The following HDAC9 variants were observed in gnomAD, a reference collection of about 807,000 sequenced individuals.
HDAC9 encodes the protein MEF-2 interacting transcription repressor (MITR) protein.
A neutral mutation model predicts 139.4 loss-of-function variants in HDAC9; 41 were observed. The observed-to-expected ratio is 0.29, with a 90% CI of 0.23 to 0.38. The LOEUF (loss-of-function observed/expected upper bound fraction) is 0.38. Ranked by LOEUF, HDAC9 falls within the 10% of genes least tolerant of loss-of-function variation. The pLI is 1.00. For missense variants in HDAC9, 1,147 were observed against 1,297.0 expected, an observed-to-expected ratio of 0.88 and a Z score of 1.78; for synonymous variants, 517 against 476.2, an observed-to-expected ratio of 1.09 and a Z score of -1.12.
chr7:18,616,144 G>C (rs1396636193), intron 6 of HDAC9, among the ~76,000 whole-genome samples: 4 of 151,994 alleles, frequency 2.6e-5, no homozygotes, highest in African/African-American at 9.7e-5. Context: ...AGGACCCCTT[G>C]GATAATCCAA....
At chr7:18,965,857 A>G (rs1487005954) in intron 24 of HDAC9, among the ~76,000 whole-genome samples, 1 of 152,178 alleles carries the variant, frequency 6.6e-6, no homozygotes, top group African/African-American at 2.4e-5. Context: ...GTGAATGGAA[A>G]TGAGGTTGTG....
intron 6 of HDAC9, among the ~76,000 whole-genome samples, chr7:18,629,143 G>A (rs1191227270): frequency 1.3e-5 from 2 of 151,862 alleles, no homozygotes; most frequent in African/African-American, 4.8e-5. Flanking sequence ...GTTGAAAAAA[G>A]TTTCACAGAT....
chr7:18,866,783 G>C (rs1045971088), intron 21 of HDAC9, among the ~76,000 whole-genome samples: 1 of 152,200 alleles, frequency 6.6e-6, no homozygotes, highest in African/African-American at 2.4e-5. Context: ...AACTGAGCAC[G>C]TCAAATGAGT....
At chr7:18,961,640 TAATAA>T (rs570582487) in intron 24 of HDAC9, among the ~76,000 whole-genome samples, 10 of 152,150 alleles carry the variant, frequency 6.6e-5, no homozygotes, top group Non-Finnish European at 1.5e-4. Flanking sequence ...TGATAGCAAA[TAATAA>T]AATAATGTAA....
At chr7:18,603,419 C>A (rs939222867) in intron 6 of HDAC9, among the ~76,000 whole-genome samples, 1 of 151,964 alleles carries the variant, frequency 6.6e-6, no homozygotes, top group African/African-American at 2.4e-5. Context: ...TTATATAATT[C>A]AGTGCTCTCT....
At chr7:18,522,879 ATAACTT>A (rs1304757591) in intron 2 of HDAC9, among the ~76,000 whole-genome samples, 2 of 152,224 alleles carry the variant, frequency 1.3e-5, no homozygotes, top group East Asian at 3.8e-4. Flanking sequence ...AAGAGGCTGA[ATAACTT>A]TAATTAACAA....
intron 1 of HDAC9, among the ~76,000 whole-genome samples, chr7:18,123,454 A>T (rs550821019): frequency 3.9e-5 from 6 of 152,308 alleles, no homozygotes; most frequent in Admixed American, 3.3e-4. Context: ...AGGCCAACCC[A>T]CAAAAGCCTA....
chr7:18,414,432 T>G (rs1368640948), intron 1 of HDAC9, among the ~76,000 whole-genome samples: 1 of 152,012 alleles, frequency 6.6e-6, no homozygotes, highest in African/African-American at 2.4e-5. Context: ...TTAAATTTAG[T>G]ATTCAGTTGA....
In HDAC9 at chr7:18,129,659, G is replaced by T. The variant is rs546839849; in HGVS notation, c.-96-32570G>T. 3.3e-5 allele frequency among the ~76,000 whole-genome samples: 5 copies of T among 152,216 alleles called. No homozygotes were observed. The South Asian group carries it at 1.0e-3, about 32-fold the overall frequency. ...ATCTGTAGCTTGTGCAGTCTTGTAA[G>T]ACACTGGTTGTGGTACTCACTCATT... is the stretch of plus-strand genomic sequence containing the variant. On this transcript the variant is annotated intron_variant, in intron 1 of 12. Coordinates refer to the HDAC9 transcript ENST00000417496.
chr7:18,178,368 A>AG (rs756590785), intron 2 of HDAC9, among the ~76,000 whole-genome samples: 54 of 152,354 alleles, frequency 3.5e-4, no homozygotes, highest in Middle Eastern at 3.4e-3. Context: ...GACAGGCGTG[A>AG]GCCACTGCAC....
chr7:18,096,354 C>A (rs545726772), intron 1 of HDAC9, among the ~76,000 whole-genome samples: 1 of 152,254 alleles, frequency 6.6e-6, no homozygotes, highest in African/African-American at 2.4e-5. Context: ...TCTTTGGTCT[C>A]CACTTAGTTT....
At chr7:18,205,953 C>T (rs1470434297) in intron 2 of HDAC9, among the ~76,000 whole-genome samples, 1 of 151,890 alleles carries the variant, frequency 6.6e-6, no homozygotes, top group African/African-American at 2.4e-5. Flanking sequence ...TTGGTAATAC[C>T]TTTGGGATTT....
At chr7:18,338,193 A>G (rs1404540095) in intron 1 of HDAC9, among the ~76,000 whole-genome samples, 1 of 151,748 alleles carries the variant, frequency 6.6e-6, no homozygotes, top group African/African-American at 2.4e-5. Flanking sequence ...GATACAGGGT[A>G]AGTTATATAT....
intron 1 of HDAC9, among the ~76,000 whole-genome samples, chr7:18,355,004 C>T (rs762409801): frequency 2.6e-5 from 4 of 152,158 alleles, no homozygotes; most frequent in African/African-American, 4.8e-5. Flanking sequence ...TTAATAATTA[C>T]AGATCCTCAA....
chr7:18,993,957 G>T (rs1244187912), intron 25 of HDAC9, among the ~76,000 whole-genome samples: 1 of 152,184 alleles, frequency 6.6e-6, no homozygotes. Context: ...AGGCAGAGAA[G>T]CATCTGATGG....
At chr7:18,862,678 T>C (rs180742436) in intron 21 of HDAC9, among the ~76,000 whole-genome samples, 1 of 152,266 alleles carries the variant, frequency 6.6e-6, no homozygotes, top group Admixed American at 6.5e-5. Flanking sequence ...TGTTTTCCTT[T>C]ATACTGACAG....
intron 1 of HDAC9, among the ~76,000 whole-genome samples, chr7:18,302,759 G>A (rs1798625201): frequency 6.6e-6 from 1 of 152,294 alleles, no homozygotes; most frequent in African/African-American, 2.4e-5. Context: ...GGCATAGACA[G>A]TGTCTAGTCT....
chr7:18,447,149 A>T (rs1351972355), intron 1 of HDAC9, among the ~76,000 whole-genome samples: 1 of 152,120 alleles, frequency 6.6e-6, no homozygotes, highest in African/African-American at 2.4e-5. Flanking sequence ...GGTATCATTG[A>T]CCTTTTAAAA....
chr7:18,905,854 C>A (rs1245319335), intron 22 of HDAC9, among the ~76,000 whole-genome samples: 1 of 113,626 alleles, frequency 8.8e-6, no homozygotes, highest in Non-Finnish European at 2.0e-5. Flanking sequence ...TGAATAGTTT[C>A]TTTCTTTCTT....
Sources: gnomAD v4.1 joint callset for allele counts (sites outside exome capture counted in the v4.1 genomes callset) on GRCh38, gnomAD v4.1.1 for gene constraint, MANE v1.5 for transcripts, NCBI Gene and HGNC (gene_info 2026-07-23, HGNC 2026-07-21) for gene names.